NDC1: variants seen among roughly 807,000 people sequenced by gnomAD.
NDC1 encodes NDC1 transmembrane nucleoporin.
NDC1 carries 24 observed loss-of-function variants against 89.8 expected under a neutral mutation model. The observed-to-expected ratio is 0.27, with a 90% CI of 0.19 to 0.38. The LOEUF is 0.38. Ranked by LOEUF, NDC1 falls within the 10% of genes least tolerant of loss-of-function variation. The pLI is 1.00. For missense variants in NDC1, 728 were observed against 797.6 expected (o/e 0.91, Z 1.05); for synonymous variants, 296 against 284.8 (o/e 1.04, Z -0.39).
At chr1:53,798,708 C>A (rs998630744) in intron 11 of NDC1, among the ~76,000 whole-genome samples, 6 of 152,102 alleles carry the variant, frequency 3.9e-5, no homozygotes. Context: ...GTGTGCAACA[C>A]CACAGCCAGC....
Position 53,811,703 on chromosome 1 carries a change from T to G in NDC1, c.704-1957A>C, listed in dbSNP as rs112153356. ...ACCTCAATACAAAGGACATATAATC[T>G]TGGGAGTTCTAGGGCCCCACCCACT... On this transcript the variant is annotated intron_variant, in intron 6 of 17. Coordinates refer to ENST00000371429, the MANE Select transcript of NDC1 (RefSeq NM_018087.5). Among the ~76,000 whole-genome samples, 367 of 149,528 alleles carry G rather than the reference T, an allele frequency of 2.5e-3. 1 individual carries two copies. The highest frequency in any genetic ancestry group is 8.7e-3 in the African/African-American group (354 of 40,660).
chr1:53,798,846 C>T (rs1032003068), intron 11 of NDC1, among the ~76,000 whole-genome samples: 2 of 152,234 alleles, frequency 1.3e-5, no homozygotes, highest in Admixed American at 6.5e-5. Context: ...TAAGCCACCA[C>T]ACCTGGCCCA....
At chr1:53,796,861 C>T in intron 12 of NDC1, 38 bp downstream of exon 12, 3 of 1,607,686 alleles carry the variant, frequency 1.9e-6, no homozygotes, top group Non-Finnish European at 2.5e-6. Flanking sequence ...TCCTCTGCAA[C>T]ATGACATTTA....
chr1:53,820,969 G>A (rs1232405787), intron 5 of NDC1, among the ~76,000 whole-genome samples: 1 of 151,680 alleles, frequency 6.6e-6, no homozygotes, highest in Non-Finnish European at 1.5e-5. Context: ...ACCTCCCAAA[G>A]TGCTAGGATT....
chr1:53,807,930 A>G, intron 7 of NDC1, 139 bp from the exon 8 acceptor site: 1 of 809,950 alleles, frequency 1.2e-6, no homozygotes, highest in Non-Finnish European at 1.9e-6. Context: ...ATATCTTTAT[A>G]AAGCTCTTTC....
At chr1:53,793,510 T>G (rs1159665916) in intron 13 of NDC1, among the ~76,000 whole-genome samples, 1 of 152,216 alleles carries the variant, frequency 6.6e-6, no homozygotes, top group Admixed American at 6.5e-5. Context: ...TGTATACACG[T>G]TTAACCCCCA....
intron 15 of NDC1, among the ~76,000 whole-genome samples, chr1:53,788,106 T>A (rs768201058): frequency 1.3e-5 from 2 of 152,148 alleles, no homozygotes; most frequent in Admixed American, 6.5e-5. Context: ...AGCCTGGGCA[T>A]CTTAGCAAGA....
intron 11 of NDC1, among the ~76,000 whole-genome samples, chr1:53,799,551 A>C (rs1404858240): frequency 6.6e-6 from 1 of 152,238 alleles, no homozygotes; most frequent in East Asian, 1.9e-4. Flanking sequence ...TTTAAATATC[A>C]AGATTAGTTG....
intron 14 of NDC1, among the ~76,000 whole-genome samples, chr1:53,791,379 T>C (rs1007364567): frequency 6.8e-6 from 1 of 148,000 alleles, no homozygotes; most frequent in Non-Finnish European, 1.5e-5. Context: ...GAGCTTGCAG[T>C]GAGCCCAGAT....
intron 2 of NDC1, among the ~76,000 whole-genome samples, chr1:53,834,116 G>C (rs1422170201): frequency 6.6e-6 from 1 of 152,156 alleles, no homozygotes; most frequent in Non-Finnish European, 1.5e-5. Flanking sequence ...TATTTACTAA[G>C]CATCTACAAT....
At chr1:53,800,332 C>CTTTTTTT (rs1158363485) in intron 11 of NDC1, among the ~76,000 whole-genome samples, 28 of 80,670 alleles carry the variant, frequency 3.5e-4, no homozygotes, top group South Asian at 4.9e-4. Flanking sequence ...CTACAGTCAT[C>CTTTTTTT]TTTTTTTTTT....
chr1:53,788,707 G>A (rs1022999718), intron 15 of NDC1, among the ~76,000 whole-genome samples: 6 of 151,786 alleles, frequency 4.0e-5, no homozygotes, highest in Non-Finnish European at 5.9e-5. Context: ...GATTACAGGC[G>A]TGAGCCACCG....
At chr1:53,793,469 AC>A (rs1647589371) in intron 13 of NDC1, among the ~76,000 whole-genome samples, 190 bp from the exon 14 acceptor site, 1 of 152,228 alleles carries the variant, frequency 6.6e-6, no homozygotes, top group South Asian at 2.1e-4. Flanking sequence ...AAATTGGACA[AC>A]CAAGATGAGC....
At chr1:53,776,351 G>T (rs1203178180) in intron 16 of NDC1, among the ~76,000 whole-genome samples, 1 of 152,134 alleles carries the variant, frequency 6.6e-6, no homozygotes, top group African/African-American at 2.4e-5. Context: ...TGTAGCTATT[G>T]AGCACCTGAA....
chr1:53,828,337 T>C (rs1648943220), intron 3 of NDC1, among the ~76,000 whole-genome samples, 164 bp from the exon 4 acceptor site: 1 of 151,978 alleles, frequency 6.6e-6, no homozygotes, highest in Admixed American at 6.6e-5. Flanking sequence ...AATTCTAAGT[T>C]AAAAAAATTT....
At chr1:53,827,877 T>C in intron 4 of NDC1, 122 bp downstream of exon 4, 3 of 679,354 alleles carry the variant, frequency 4.4e-6, no homozygotes, top group South Asian at 3.9e-5. Flanking sequence ...ACTTGATATA[T>C]GCAAAAAGCA....
At chr1:53,790,633 G>C (rs1647464343) in intron 14 of NDC1, among the ~76,000 whole-genome samples, 2 of 151,852 alleles carry the variant, frequency 1.3e-5, no homozygotes. Flanking sequence ...CTTGAACCCG[G>C]GAGGCAGAGG....
chr1:53,833,453 T>G (rs1570242913), intron 2 of NDC1, among the ~76,000 whole-genome samples: 1 of 152,130 alleles, frequency 6.6e-6, no homozygotes, highest in African/African-American at 2.4e-5. Flanking sequence ...TGCAAATATT[T>G]AATCATGTGA....
At chr1:53,805,945 G>A (rs1648090761) in intron 9 of NDC1, among the ~76,000 whole-genome samples, 1 of 152,176 alleles carries the variant, frequency 6.6e-6, no homozygotes, top group African/African-American at 2.4e-5. Context: ...GTGGTAGCGG[G>A]CGCCTGTAAT....
Sources: gnomAD v4.1 joint callset for allele counts (sites outside exome capture counted in the v4.1 genomes callset) on GRCh38, gnomAD v4.1.1 for gene constraint, MANE v1.5 for transcripts, NCBI Gene and HGNC (gene_info 2026-07-23, HGNC 2026-07-21) for gene names.